The following TENM4 variants were observed in gnomAD, a reference collection of about 807,000 sequenced individuals.
TENM4 encodes the protein teneurin-4.
Under a neutral mutation model 243.3 loss-of-function variants are expected in TENM4, and 82 were observed. That is an observed-to-expected ratio of 0.34 (90% CI 0.28 to 0.40). The LOEUF (loss-of-function observed/expected upper bound fraction) is 0.40, where lower values mean the gene tolerates loss of function less well. TENM4 is among the 10% of genes least tolerant of loss of function. The probability of loss-of-function intolerance (pLI) is 1.00; values close to 1 mark genes in which losing one functional copy is unlikely to be tolerated. For synonymous variants in TENM4, 1,412 were observed against 1,456.3 expected, an observed-to-expected ratio of 0.97 and a Z score of 0.69; for missense variants, 3,138 against 3,673.3, an observed-to-expected ratio of 0.85 and a Z score of 3.77.
At chr11:78,782,715 G>A (rs1856862258) in intron 16 of TENM4, among the ~76,000 whole-genome samples, 1 of 151,850 alleles carries the variant, frequency 6.6e-6, no homozygotes, top group South Asian at 2.1e-4. Flanking sequence ...TCAGTGATCC[G>A]AGGTGGTGCC....
At position 79,437,811 on chromosome 11, in the gene TENM4, C is replaced by T. The variant is rs533506379; in HGVS notation, c.-321+2698G>A. Reference sequence around the variant, plus strand: ...CCTGCCCGGGGAGCTAACCCAGCCGCCTCCGGGGCGCCCTCCTTCTTCCTG... The same window carrying T: ...CCTGCCCGGGGAGCTAACCCAGCCGTCTCCGGGGCGCCCTCCTTCTTCCTG... On this transcript the variant is annotated intron_variant, in intron 1 of 33. Transcript: ENST00000278550. 2.0e-5 allele frequency among the ~76,000 whole-genome samples: 3 copies of T among 152,310 alleles called. No individual in the cohort carries two copies. In the South Asian group the frequency reaches 6.2e-4, roughly 32 times the overall value.
At chr11:78,677,927 C>T (rs1858523887) in intron 29 of TENM4, among the ~76,000 whole-genome samples, 1 of 116,260 alleles carries the variant, frequency 8.6e-6, no homozygotes, top group Non-Finnish European at 1.8e-5. Flanking sequence ...TCCCCCCTCC[C>T]CCGACCCCAC....
intron 1 of TENM4, among the ~76,000 whole-genome samples, chr11:79,347,433 C>T (rs1339514827): frequency 6.6e-6 from 1 of 152,192 alleles, no homozygotes; most frequent in Non-Finnish European, 1.5e-5. Flanking sequence ...TTATTTTCCC[C>T]ATGATGAACT....
At chr11:78,882,609 A>G (rs1394154035) in intron 9 of TENM4, among the ~76,000 whole-genome samples, 2 of 152,368 alleles carry the variant, frequency 1.3e-5, no homozygotes, top group East Asian at 3.9e-4. Context: ...TCCAGTTTGT[A>G]TGATGAAATG....
intron 16 of TENM4, among the ~76,000 whole-genome samples, chr11:78,779,825 T>C (rs899929356): frequency 4.6e-5 from 7 of 152,170 alleles, no homozygotes; most frequent in African/African-American, 1.7e-4. Context: ...ATCCCTAGGG[T>C]TCTTTAAATA....
At chr11:79,191,812 G>C (rs1042706377) in intron 3 of TENM4, 23 of 190,168 alleles carry the variant, frequency 1.2e-4, no homozygotes, top group Non-Finnish European at 1.8e-4. Flanking sequence ...GTCTCTGCCC[G>C]GCCGCCCCGT....
chr11:78,865,445 G>A (rs887443115), intron 9 of TENM4, among the ~76,000 whole-genome samples: 12 of 152,132 alleles, frequency 7.9e-5, no homozygotes, highest in African/African-American at 1.9e-4. Flanking sequence ...CAGGGTGGGC[G>A]TTACAAAGAC....
intron 25 of TENM4, among the ~76,000 whole-genome samples, chr11:78,715,564 T>C (rs888798783): frequency 6.6e-6 from 1 of 152,190 alleles, no homozygotes; most frequent in Non-Finnish European, 1.5e-5. Flanking sequence ...CCGTAAGAGC[T>C]GTGGCTGCAT....
At chr11:79,024,277 C>T (rs1859016308) in intron 6 of TENM4, among the ~76,000 whole-genome samples, 1 of 152,198 alleles carries the variant, frequency 6.6e-6, no homozygotes, top group African/African-American at 2.4e-5. Context: ...AAGTGATTGG[C>T]CTGTGGTCTG....
intron 6 of TENM4, among the ~76,000 whole-genome samples, chr11:79,056,840 G>T (rs1442805496): frequency 6.6e-6 from 1 of 152,202 alleles, no homozygotes; most frequent in Non-Finnish European, 1.5e-5. Context: ...ATGGCTAAAG[G>T]ACCCGGAACT....
chr11:78,863,165 C>G, intron 9 of TENM4, 33 bp from the exon 10 acceptor site: 1 of 1,451,804 alleles, frequency 6.9e-7, no homozygotes. Flanking sequence ...TCATCTTTTT[C>G]TGCTGGAGGC....
chr11:78,695,125 C>A (rs1858924577), intron 28 of TENM4, among the ~76,000 whole-genome samples: 2 of 148,384 alleles, frequency 1.3e-5, no homozygotes, highest in Admixed American at 1.3e-4. Flanking sequence ...TCGATCACTG[C>A]ACCCTTGAAC....
intron 9 of TENM4, among the ~76,000 whole-genome samples, chr11:78,887,421 C>A (rs758322122): frequency 1.3e-5 from 2 of 152,202 alleles, no homozygotes; most frequent in Non-Finnish European, 2.9e-5. Flanking sequence ...TTCAGATTTG[C>A]CTGCTAACAT....
chr11:78,965,115 G>T (rs1857409554), intron 6 of TENM4, among the ~76,000 whole-genome samples: 1 of 151,952 alleles, frequency 6.6e-6, no homozygotes, highest in Admixed American at 6.6e-5. Context: ...AGATCTGCTC[G>T]CTTAGGCCTC....
intron 1 of TENM4, among the ~76,000 whole-genome samples, chr11:79,404,814 T>C (rs1858533760): frequency 6.6e-6 from 1 of 151,828 alleles, no homozygotes. Flanking sequence ...CAAAATGATA[T>C]ATATGGGGAA....
chr11:79,343,312 A>G (rs1857272664), intron 1 of TENM4, among the ~76,000 whole-genome samples: 1 of 152,244 alleles, frequency 6.6e-6, no homozygotes, highest in African/African-American at 2.4e-5. Flanking sequence ...TCTATTTTAC[A>G]GATGAGAACA....
At chr11:79,382,219 C>G (rs1321231466) in intron 1 of TENM4, among the ~76,000 whole-genome samples, 2 of 152,164 alleles carry the variant, frequency 1.3e-5, no homozygotes, top group Non-Finnish European at 2.9e-5. Flanking sequence ...GCCAGCCACA[C>G]CTGAGCCAAA....
rs1219328263 is a variant in TENM4, at chr11:79,044,764, A to G, written c.493+19974T>C. On this transcript the variant is annotated intron_variant, in intron 6 of 33. Coordinates refer to ENST00000278550, the MANE Select transcript of TENM4 (RefSeq NM_001098816.3). ...CAGTGATTTGAGGATTACGCAGACTACTTGGGTTAAAACGGAAAACACATT... is the reference window on the plus strand; with the variant it reads ...CAGTGATTTGAGGATTACGCAGACTGCTTGGGTTAAAACGGAAAACACATT... Among the ~76,000 whole-genome samples the G allele has an allele frequency of 2.2e-4, 34 of 152,196 alleles. 1 individual carries two copies. Among genetic ancestry groups the G allele is most frequent in the Admixed American group, 2.2e-3 (34 of 15,282 alleles).
At position 79,145,455 on chromosome 11, in the gene TENM4, C is replaced by T. The variant is rs543490503; in HGVS notation, c.-66+3255G>A. The stretch of plus-strand genomic sequence containing the variant: ...CTTCTGAAAACACAGAGTAGTTTTA[C>T]CTGGCTTTGTACTTTTTTAAAGTGC... On this transcript the variant is annotated intron_variant, in intron 4 of 33. Coordinates refer to ENST00000278550, the MANE Select transcript of TENM4 (RefSeq NM_001098816.3). 6.6e-5 allele frequency among the ~76,000 whole-genome samples: 10 copies of T among 152,194 alleles called. 1 individual carries two copies. In the South Asian group the frequency reaches 2.1e-3, roughly 32 times the overall value.
Sources: gnomAD v4.1 joint callset for allele counts (sites outside exome capture counted in the v4.1 genomes callset) on GRCh38, gnomAD v4.1.1 for gene constraint, MANE v1.5 for transcripts, NCBI Gene and HGNC (gene_info 2026-07-23, HGNC 2026-07-21) for gene names.